The following CEP43 variants were observed in gnomAD, a reference collection of about 807,000 sequenced individuals.
The protein encoded by CEP43 is centrosomal protein 43.
In CEP43, 36 loss-of-function variants were observed where a neutral mutation model predicts 52.6. That is an observed-to-expected ratio of 0.68 (90% CI 0.52 to 0.90). The LOEUF (loss-of-function observed/expected upper bound fraction) is 0.90. CEP43 is among the 40% of genes least tolerant of loss of function. CEP43 has a pLI of 0.00. For synonymous variants in CEP43, 192 were observed against 172.4 expected, an observed-to-expected ratio of 1.11 and a Z score of -0.89; for missense variants, 506 against 472.8, an observed-to-expected ratio of 1.07 and a Z score of -0.65.
intron 2 of CEP43, among the ~76,000 whole-genome samples, chr6:167,000,674 C>T (rs1583264051): frequency 6.6e-6 from 1 of 152,346 alleles, no homozygotes; most frequent in Middle Eastern, 3.4e-3. Flanking sequence ...TGCTGTATGA[C>T]AAATCAGTCT....
At chr6:167,020,613 T>G (rs1009552606) in intron 7 of CEP43, among the ~76,000 whole-genome samples, 1 of 152,166 alleles carries the variant, frequency 6.6e-6, no homozygotes, top group Non-Finnish European at 1.5e-5. Context: ...TTACTTAAGA[T>G]TACACGGGCC....
At chr6:167,007,723 T>C (rs1284565280) in intron 5 of CEP43, among the ~76,000 whole-genome samples, 1 of 152,218 alleles carries the variant, frequency 6.6e-6, no homozygotes, top group African/African-American at 2.4e-5. Flanking sequence ...TTACTGATGC[T>C]TTTTACCAAA....
intron 7 of CEP43, among the ~76,000 whole-genome samples, chr6:167,015,025 C>T (rs1780062962): frequency 6.6e-6 from 1 of 152,152 alleles, no homozygotes; most frequent in Admixed American, 6.5e-5. Flanking sequence ...TACATAGAGC[C>T]AAGGCATCCT....
chr6:167,041,031 A>G lies in CEP43; in HGVS notation c.*1053A>G. The G allele has an allele frequency of 1.9e-6, 2 of 1,029,544 alleles. No individual in the cohort carries two copies. Among genetic ancestry groups the G allele is most frequent in the Non-Finnish European group, 2.3e-6 (2 of 856,174 alleles). The allele number at this position is 1,029,544 out of a possible 1,614,324, so 63.8% of individuals were successfully genotyped here. ...AATGTGCAAGTAGAAAAAACAGTAGAAAGTGATGCATGCATATTTATATAT... is the reference window on the plus strand; with the variant it reads ...AATGTGCAAGTAGAAAAAACAGTAGGAAGTGATGCATGCATATTTATATAT... On this transcript the variant is annotated 3_prime_UTR_variant, in exon 13 of 13. Coordinates refer to ENST00000366847, the MANE Select transcript of CEP43 (RefSeq NM_007045.4).
chr6:167,021,069 A>G (rs1780218806), intron 7 of CEP43, among the ~76,000 whole-genome samples: 1 of 37,104 alleles, frequency 2.7e-5, no homozygotes, highest in African/African-American at 7.1e-5. Flanking sequence ...GTTTCTTAAA[A>G]AAGAAAAAAA....
In CEP43 at chr6:167,036,776, G is replaced by C. The variant is rs111629956; in HGVS notation, c.1125+2805G>C. 2,452 of 984,828 alleles carry C rather than the reference G, an allele frequency of 2.5e-3. 2 individuals carry two copies. The highest frequency in any genetic ancestry group is 2.8e-3 in the Non-Finnish European group (2,321 of 829,470). 61.0% of individuals were successfully genotyped at this position (984,828 alleles called of 1,614,324 possible). ...GAGTTCTTATTCTAAAACTAAGGAGGCATGAAAGCCGCCTTTATTAGTTTT... is the reference window on the plus strand; with the variant it reads ...GAGTTCTTATTCTAAAACTAAGGAGCCATGAAAGCCGCCTTTATTAGTTTT... On this transcript the variant is annotated intron_variant, in intron 12 of 12. Transcript: ENST00000366847.
chr6:167,012,140 T>A (rs1780000598), intron 6 of CEP43, among the ~76,000 whole-genome samples: 1 of 152,232 alleles, frequency 6.6e-6, no homozygotes, highest in Admixed American at 6.5e-5. Context: ...ACGTAGTGAT[T>A]ATACTACACG....
At position 167,043,206 on chromosome 6, in the gene CEP43, G is replaced by A; in HGVS notation, c.*3228G>A. The A allele has an allele frequency of 6.6e-6, 1 of 152,310 alleles. No individual in the cohort carries two copies. The highest frequency in any genetic ancestry group is 6.6e-5 in the Admixed American group (1 of 15,254). The allele number at this position is 152,310 out of a possible 1,614,324, so 9.4% of individuals were successfully genotyped here. On this transcript the variant is annotated 3_prime_UTR_variant, in exon 13 of 13. Coordinates refer to ENST00000366847, the MANE Select transcript of CEP43 (RefSeq NM_007045.4). ...TGTTGGTTCATGAAGGACATGGGAG[G>A]GGGGCAGGACAGGAGAGGCAGCTCT... is the stretch of plus-strand genomic sequence containing the variant.
chr6:167,033,988 T>C lies in CEP43; in HGVS notation c.1125+17T>C. 7.8e-7 allele frequency: 1 copy of C among 1,283,240 alleles called. No individual in the cohort carries two copies. 79.5% of individuals were successfully genotyped at this position (1,283,240 alleles called of 1,614,324 possible). ...AGTGATAAGGTATGGTGTTCTGCAT[T>C]TCCCATAGAGTGCTTTTTTTTTTTA... is the stretch of plus-strand genomic sequence containing the variant. On this transcript the variant is annotated intron_variant, in intron 12 of 12. Transcript: ENST00000366847.
intron 12 of CEP43, among the ~76,000 whole-genome samples, chr6:167,037,892 A>T (rs1006902743): frequency 2.6e-5 from 4 of 152,182 alleles, no homozygotes; most frequent in African/African-American, 9.7e-5. Context: ...AGACAGCCAT[A>T]GACGATGCCT....
At chr6:167,004,243 G>T (rs1320304497) in intron 4 of CEP43, 21 bp from the exon 5 acceptor site, 3 of 1,585,130 alleles carry the variant, frequency 1.9e-6, no homozygotes, top group South Asian at 1.2e-5. Flanking sequence ...TTGTGCACTT[G>T]TATTTTAACT....
chr6:167,027,875 A>G (rs1229110254), intron 10 of CEP43: 1 of 985,466 alleles, frequency 1.0e-6, no homozygotes, highest in Non-Finnish European at 1.2e-6. Context: ...AGAAGAATAA[A>G]TGTTCCCTGA....
intron 7 of CEP43, among the ~76,000 whole-genome samples, chr6:167,018,334 A>G (rs998231639): frequency 3.3e-5 from 5 of 152,202 alleles, no homozygotes; most frequent in Non-Finnish European, 7.4e-5. Flanking sequence ...AGTTTGACCC[A>G]TAACTTTTGT....
rs368396376 is a variant in CEP43, at chr6:167,040,031, A to ATT, written c.*64_*65dup. On this transcript the variant is annotated 3_prime_UTR_variant, in exon 13 of 13. Transcript: ENST00000366847. ...CAAGGACAGAGGACTGACCGGTTCC[A>ATT]TTTTTTTTTTTTCCAGACAATCACT... 0.073 allele frequency: 87,991 copies of ATT among 1,203,426 alleles called. 10 individuals are homozygous for ATT. Among genetic ancestry groups the ATT allele is most frequent in the Non-Finnish European group, 0.08 (69,061 of 861,048 alleles). 74.5% of individuals were successfully genotyped at this position (1,203,426 alleles called of 1,614,324 possible). A position where few individuals can be genotyped will look rare whatever the true frequency, so the allele number is the denominator to read the frequency against.
rs1252896084 is a variant in CEP43 at position 167,039,998 on chromosome 6, C to G, written c.*20C>G. 4 of 1,611,720 alleles carry G rather than the reference C, an allele frequency of 2.5e-6. No individual in the cohort carries two copies. Among genetic ancestry groups the G allele is most frequent in the Non-Finnish European group, 3.4e-6 (4 of 1,179,642 alleles). ...GCATAGACACGAAGAAGGAAGTATT[C>G]TAATTAACAAGGACAGAGGACTGAC... On this transcript the variant is annotated 3_prime_UTR_variant, in exon 13 of 13. Transcript: ENST00000366847.
In CEP43 at chr6:167,015,152, GA is replaced by G. The variant is rs1226820573; in HGVS notation, c.579+1587del. ...TGCCCTGACTTGAGAGGGGATTGAA[GA>G]ATCTAGGTGGGCCCATATCCCAGGA... On this transcript the variant is annotated intron_variant, in intron 7 of 12. Coordinates refer to ENST00000366847, the MANE Select transcript of CEP43 (RefSeq NM_007045.4). 1.9e-4 allele frequency among the ~76,000 whole-genome samples: 29 copies of G among 152,150 alleles called. 1 individual carries two copies. The highest frequency in any genetic ancestry group is 7.0e-4 in the African/African-American group (29 of 41,516).
At chr6:167,020,749 A>G (rs893756072) in intron 7 of CEP43, among the ~76,000 whole-genome samples, 5 of 152,188 alleles carry the variant, frequency 3.3e-5, no homozygotes, top group African/African-American at 1.2e-4. Context: ...TTTCTACTAA[A>G]AATACAAAAA....
At chr6:167,013,202 A>C (rs1167258840) in intron 6 of CEP43, among the ~76,000 whole-genome samples, 1 of 152,206 alleles carries the variant, frequency 6.6e-6, no homozygotes, top group Non-Finnish European at 1.5e-5. Flanking sequence ...AACTCAAGTG[A>C]GGCTTATTTA....
In CEP43 at chr6:167,044,611, T is replaced by G; in HGVS notation, c.*4633T>G. The G allele has an allele frequency of 1.1e-6, 1 of 880,492 alleles. No individual in the cohort carries two copies. Among genetic ancestry groups the G allele is most frequent in the Non-Finnish European group, 1.4e-6 (1 of 734,238 alleles). 54.5% of individuals were successfully genotyped at this position (880,492 alleles called of 1,614,324 possible). On this transcript the variant is annotated 3_prime_UTR_variant, in exon 13 of 13. Transcript: ENST00000366847. ...ACAGCGTTTTTGAATGTGAAATTTA[T>G]TCCCTGATACATGTTTTTAAAAATG...
Sources: allele counts gnomAD v4.1 joint callset (sites outside exome capture counted in the v4.1 genomes callset), GRCh38; gene constraint gnomAD v4.1.1; transcripts MANE v1.5; gene names NCBI Gene and HGNC (gene_info 2026-07-23, HGNC 2026-07-21).